The following QTMAN variants were observed in gnomAD, a reference collection of about 807,000 sequenced individuals.
QTMAN encodes queuosine-tRNA mannosyltransferase, also known as tRNA-queuosine alpha-mannosyltransferase.
the QTMAN span, among the ~76,000 whole-genome samples, chr2:144,085,776 T>C: frequency 2.6e-5 from 4 of 152,244 alleles, no homozygotes; most frequent in Non-Finnish European, 2.9e-5. Flanking sequence ...CTTATAAATT[T>C]TGTATGACAC....
the QTMAN span, among the ~76,000 whole-genome samples, chr2:144,133,276 T>C: frequency 1.5e-5 from 1 of 67,104 alleles, no homozygotes; most frequent in African/African-American, 6.1e-5. Flanking sequence ...AATATATATT[T>C]ATATATACAT....
chr2:144,133,141 AT>A, the QTMAN span, among the ~76,000 whole-genome samples: 1,782 of 48,796 alleles, frequency 0.037, 54 homozygotes, highest in African/African-American at 0.083. Context: ...ATATATATAT[AT>A]ATATATATAA....
At chr2:144,303,158 G>A in the QTMAN span, among the ~76,000 whole-genome samples, 2 of 152,116 alleles carry the variant, frequency 1.3e-5, no homozygotes, top group Non-Finnish European at 2.9e-5. Flanking sequence ...AGACTTTGAA[G>A]AATGGTGAAG....
At chr2:144,130,387 G>C in the QTMAN span, among the ~76,000 whole-genome samples, 1 of 151,854 alleles carries the variant, frequency 6.6e-6, no homozygotes, top group East Asian at 1.9e-4. Context: ...GCATAGTAAG[G>C]TAGTTAGTAC....
chr2:144,215,532 C>T, the QTMAN span, among the ~76,000 whole-genome samples: 1 of 151,892 alleles, frequency 6.6e-6, no homozygotes, highest in African/African-American at 2.4e-5. Flanking sequence ...GGTTATATTC[C>T]ACATTATATT....
chr2:144,265,612 C>G, the QTMAN span, among the ~76,000 whole-genome samples: 1 of 152,136 alleles, frequency 6.6e-6, no homozygotes, highest in Non-Finnish European at 1.5e-5. Context: ...AAGAGAATCC[C>G]TTGAACCCGG....
At chr2:143,983,014 A>G in the QTMAN span, among the ~76,000 whole-genome samples, 1 of 152,178 alleles carries the variant, frequency 6.6e-6, no homozygotes. Context: ...AAAACCAATA[A>G]TAAATTCACA....
At chr2:144,272,283 A>G in the QTMAN span, among the ~76,000 whole-genome samples, 2 of 152,224 alleles carry the variant, frequency 1.3e-5, no homozygotes, top group Non-Finnish European at 2.9e-5. Context: ...ATTGTTGAAA[A>G]TGTGGGTTTT....
chr2:144,224,401 C>T, the QTMAN span, among the ~76,000 whole-genome samples: 2 of 152,070 alleles, frequency 1.3e-5, no homozygotes, highest in African/African-American at 2.4e-5. Flanking sequence ...ATCATTGTTC[C>T]GCATGCTTGG....
chr2:143,941,813 G>C, the QTMAN span: 1 of 152,208 alleles, frequency 6.6e-6, no homozygotes, highest in Admixed American at 6.5e-5. Flanking sequence ...AAGGGAACTA[G>C]GGGTCCAACT....
chr2:144,196,957 T>C, the QTMAN span, among the ~76,000 whole-genome samples: 1 of 152,302 alleles, frequency 6.6e-6, no homozygotes, highest in South Asian at 2.1e-4. Context: ...ATATATACAG[T>C]CATACATTGC....
At chr2:144,247,361 T>C in the QTMAN span, among the ~76,000 whole-genome samples, 1 of 152,192 alleles carries the variant, frequency 6.6e-6, no homozygotes, top group African/African-American at 2.4e-5. Context: ...ATTAATTTCA[T>C]GAAATACGAA....
chr2:143,959,986 GA>G, the QTMAN span, among the ~76,000 whole-genome samples: 18 of 152,092 alleles, frequency 1.2e-4, no homozygotes, highest in East Asian at 3.5e-3. Flanking sequence ...ATCAGAAAAA[GA>G]AAACATCAGA....
the QTMAN span, among the ~76,000 whole-genome samples, chr2:144,053,845 C>T: frequency 6.6e-6 from 1 of 152,094 alleles, no homozygotes; most frequent in South Asian, 2.1e-4. Context: ...AACAAACAAA[C>T]AATGTTAGGC....
At chr2:144,324,476 T>A in the QTMAN span, among the ~76,000 whole-genome samples, 1 of 152,214 alleles carries the variant, frequency 6.6e-6, no homozygotes, top group Non-Finnish European at 1.5e-5. Context: ...AGGAGAAAAC[T>A]GAAACTCGGA....
the QTMAN span, among the ~76,000 whole-genome samples, chr2:144,242,435 C>A: frequency 6.6e-6 from 1 of 152,174 alleles, no homozygotes; most frequent in Non-Finnish European, 1.5e-5. Context: ...ACTAATCCAA[C>A]CAACACTGAC....
chr2:144,174,517 A>C, the QTMAN span, among the ~76,000 whole-genome samples: 1 of 152,162 alleles, frequency 6.6e-6, no homozygotes, highest in Non-Finnish European at 1.5e-5. Context: ...TGGAACCAGA[A>C]GGCTTCCAAC....
the QTMAN span, among the ~76,000 whole-genome samples, chr2:144,173,201 CTG>C: frequency 2.0e-5 from 3 of 152,118 alleles, no homozygotes; most frequent in South Asian, 4.1e-4. Context: ...CTCCTCATCT[CTG>C]GTGTAAAAAA....
At chr2:144,173,954 A>G in the QTMAN span, among the ~76,000 whole-genome samples, 1 of 152,096 alleles carries the variant, frequency 6.6e-6, no homozygotes, top group Non-Finnish European at 1.5e-5. Context: ...ACTTTTCACC[A>G]TGAGTGGAAG....
Sources: gnomAD v4.1 joint callset for allele counts (sites outside exome capture counted in the v4.1 genomes callset) on GRCh38, gnomAD v4.1.1 for gene constraint, MANE v1.5 for transcripts, NCBI Gene and HGNC (gene_info 2026-07-23, HGNC 2026-07-21) for gene names.